Variants in PRKCB observed in about 807,000 individuals in gnomAD.
PRKCB encodes the protein protein kinase C beta.
In PRKCB, 13 loss-of-function variants were observed where a neutral mutation model predicts 81.5. The ratio of observed to expected loss-of-function variants is 0.16; its 90% CI spans 0.10 to 0.25. The LOEUF is 0.25. Among genes scored for constraint, PRKCB ranks in the 10% least tolerant of loss-of-function variants. PRKCB has a pLI of 1.00. For synonymous variants in PRKCB, 335 were observed against 321.4 expected, an observed-to-expected ratio of 1.04 and a Z score of -0.45; for missense variants, 509 against 875.7, an observed-to-expected ratio of 0.58 and a Z score of 5.29.
At chr16:24,164,437 T>C (rs1298780911) in intron 10 of PRKCB, among the ~76,000 whole-genome samples, 1 of 152,224 alleles carries the variant, frequency 6.6e-6, no homozygotes, top group Admixed American at 6.5e-5. Context: ...TGAAGGCACT[T>C]GAAGCTTAGA....
chr16:24,049,277 G>T (rs1965809385), intron 5 of PRKCB, among the ~76,000 whole-genome samples: 1 of 151,618 alleles, frequency 6.6e-6, no homozygotes, highest in African/African-American at 2.4e-5. Context: ...TCCGGGACCT[G>T]CACCCTTTAC....
chr16:23,907,941 A>G (rs1963587438), intron 2 of PRKCB, among the ~76,000 whole-genome samples: 1 of 152,188 alleles, frequency 6.6e-6, no homozygotes, highest in Non-Finnish European at 1.5e-5. Flanking sequence ...TTAACAGCAT[A>G]TCGGTTTATT....
intron 9 of PRKCB, among the ~76,000 whole-genome samples, chr16:24,135,167 C>A (rs2141938734): frequency 6.6e-6 from 1 of 152,104 alleles, no homozygotes; most frequent in Non-Finnish European, 1.5e-5. Context: ...AGAAGTCAGC[C>A]CTATGTTCCA....
chr16:24,112,426 T>C (rs1487773161), intron 7 of PRKCB, among the ~76,000 whole-genome samples: 4 of 152,214 alleles, frequency 2.6e-5, no homozygotes, highest in African/African-American at 7.2e-5. Flanking sequence ...AGTCCCCAGC[T>C]ACTCAGGAAG....
chr16:24,220,146 G>A lies in PRKCB; in HGVS notation c.*5330G>A. 6.2e-7 allele frequency: 1 copy of A among 1,612,120 alleles called. No individual in the cohort carries two copies. On this transcript the variant is annotated 3_prime_UTR_variant, in exon 17 of 17. Coordinates refer to ENST00000643927, the MANE Select transcript of PRKCB (RefSeq NM_002738.7). Reference sequence around the variant, plus strand: ...CAAACTCCATCGTTGAGCCTGGGGTGTAAGACTTCAAGCCAAGCGTATGTA... The same window carrying A: ...CAAACTCCATCGTTGAGCCTGGGGTATAAGACTTCAAGCCAAGCGTATGTA...
chr16:24,192,885 G>A (rs772382051), intron 16 of PRKCB, among the ~76,000 whole-genome samples: 1 of 152,162 alleles, frequency 6.6e-6, no homozygotes, highest in East Asian at 1.9e-4. Flanking sequence ...AATCACTGCT[G>A]TGGAGTTTGG....
At chr16:24,133,242 C>T (rs1966856179) in intron 9 of PRKCB, among the ~76,000 whole-genome samples, 1 of 152,174 alleles carries the variant, frequency 6.6e-6, no homozygotes, top group Non-Finnish European at 1.5e-5. Context: ...GCCTTATTTT[C>T]AGTGTAAGTT....
chr16:24,216,990 G>A lies in PRKCB; in HGVS notation c.*2174G>A. On this transcript the variant is annotated 3_prime_UTR_variant, in exon 17 of 17. Transcript: ENST00000643927. ...TTGGATCATGATCCCATTTTGCTTG[G>A]ACATGCTCTCAGGAAGATAAAAACC... is the stretch of plus-strand genomic sequence containing the variant. The A allele has an allele frequency of 6.1e-6, 6 of 985,308 alleles. No homozygotes were observed. The highest frequency in any genetic ancestry group is 7.2e-6 in the Non-Finnish European group (6 of 829,938). 61.0% of individuals were successfully genotyped at this position (985,308 alleles called of 1,614,324 possible). A position where few individuals can be genotyped will look rare whatever the true frequency, so the allele number is the denominator to read the frequency against.
chr16:23,924,402 T>C (rs1467197791), intron 2 of PRKCB, among the ~76,000 whole-genome samples: 1 of 152,046 alleles, frequency 6.6e-6, no homozygotes, highest in African/African-American at 2.4e-5. Flanking sequence ...CGCATGGCCA[T>C]GCCTAACTTC....
At chr16:23,858,961 T>C (rs920838658) in intron 2 of PRKCB, among the ~76,000 whole-genome samples, 2 of 152,064 alleles carry the variant, frequency 1.3e-5, no homozygotes, top group Non-Finnish European at 2.9e-5. Flanking sequence ...AAACCCCATC[T>C]CTGCAAAGAA....
At chr16:24,093,032 C>T in intron 6 of PRKCB, 85 bp downstream of exon 6, 1 of 1,388,220 alleles carries the variant, frequency 7.2e-7, no homozygotes, top group Middle Eastern at 1.9e-4. Context: ...CCTCCCTTAG[C>T]TCCTGTTTCC....
chr16:23,936,921 T>C (rs886183510), intron 2 of PRKCB, among the ~76,000 whole-genome samples: 5 of 152,146 alleles, frequency 3.3e-5, no homozygotes, highest in African/African-American at 1.2e-4. Context: ...TCAAGGGGCA[T>C]GTGTAGAGTA....
chr16:23,943,876 C>T (rs931761749), intron 2 of PRKCB, among the ~76,000 whole-genome samples: 3 of 152,200 alleles, frequency 2.0e-5, no homozygotes, highest in Non-Finnish European at 2.9e-5. Flanking sequence ...ATTTTTTTCT[C>T]ATAACAACAT....
At chr16:23,986,942 C>T (rs1261306215) in intron 2 of PRKCB, among the ~76,000 whole-genome samples, 1 of 152,076 alleles carries the variant, frequency 6.6e-6, no homozygotes, top group African/African-American at 2.4e-5. Flanking sequence ...TTAATGTATC[C>T]TCAAAGATAA....
intron 2 of PRKCB, among the ~76,000 whole-genome samples, chr16:23,892,479 G>T (rs1963310430): frequency 6.6e-6 from 1 of 152,168 alleles, no homozygotes. Flanking sequence ...GGATGAGCCT[G>T]CTATTTCCAA....
intron 2 of PRKCB, among the ~76,000 whole-genome samples, chr16:23,945,191 G>A (rs1964188193): frequency 1.3e-5 from 2 of 152,140 alleles, no homozygotes; most frequent in South Asian, 4.1e-4. Flanking sequence ...GACACCACAG[G>A]GGCACCCTGA....
At chr16:23,839,727 C>G (rs947982489) in intron 2 of PRKCB, among the ~76,000 whole-genome samples, 10 of 152,212 alleles carry the variant, frequency 6.6e-5, no homozygotes, top group African/African-American at 2.4e-4. Context: ...TACTTAGCCT[C>G]TCTGTATTTC....
At chr16:24,134,433 T>G (rs1432751347) in intron 9 of PRKCB, among the ~76,000 whole-genome samples, 3 of 152,020 alleles carry the variant, frequency 2.0e-5, no homozygotes, top group African/African-American at 7.2e-5. Context: ...AGACCTGATC[T>G]CTAAAAATGT....
At position 24,067,579 on chromosome 16, in the gene PRKCB, ATG is replaced by A. The variant is rs149863517; in HGVS notation, c.530-25211_530-25210del. Among the ~76,000 whole-genome samples, 1,193 of 152,276 alleles carry A rather than the reference ATG, an allele frequency of 7.8e-3. 20 individuals are homozygous for A. Among genetic ancestry groups the A allele is most frequent in the African/African-American group, 0.027 (1,118 of 41,580 alleles). ...CTGTCAAAGTGCTGAGATTACAGGCATGCATCACCACGCCTAGGTGTTTTTTG... is the reference window on the plus strand; with the variant it reads ...CTGTCAAAGTGCTGAGATTACAGGCACATCACCACGCCTAGGTGTTTTTTG... On this transcript the variant is annotated intron_variant, in intron 5 of 16. Coordinates refer to ENST00000643927, the MANE Select transcript of PRKCB (RefSeq NM_002738.7).
Sources: allele counts gnomAD v4.1 joint callset (sites outside exome capture counted in the v4.1 genomes callset), GRCh38; gene constraint gnomAD v4.1.1; transcripts MANE v1.5; gene names NCBI Gene and HGNC (gene_info 2026-07-23, HGNC 2026-07-21).